The following WDFY4 variants were observed in gnomAD, a reference collection of about 807,000 sequenced individuals.
The protein encoded by WDFY4 is WD repeat- and FYVE domain-containing protein 4.
A neutral mutation model predicts 351.9 loss-of-function variants in WDFY4; 169 were observed. The ratio of observed to expected loss-of-function variants is 0.48; its 90% CI spans 0.42 to 0.55. The LOEUF (loss-of-function observed/expected upper bound fraction) is 0.55. Ranked by LOEUF, WDFY4 falls within the 20% of genes least tolerant of loss-of-function variation. The probability of loss-of-function intolerance (pLI) is 0.00; values close to 1 mark genes in which losing one functional copy is unlikely to be tolerated. For synonymous variants in WDFY4, 1,622 were observed against 1,574.6 expected (o/e 1.03, Z -0.71); for missense variants, 3,803 against 3,935.6 (o/e 0.97, Z 0.90).
At chr10:48,835,483 G>C (rs1489540782) in intron 39 of WDFY4, among the ~76,000 whole-genome samples, 1 of 152,164 alleles carries the variant, frequency 6.6e-6, no homozygotes, top group Non-Finnish European at 1.5e-5. Flanking sequence ...AACTGAAGTG[G>C]AGGGAGTCAC....
At chr10:48,861,911 A>C (rs1235150719) in intron 39 of WDFY4, among the ~76,000 whole-genome samples, 1 of 152,170 alleles carries the variant, frequency 6.6e-6, no homozygotes, top group Non-Finnish European at 1.5e-5. Flanking sequence ...TGTTGTTCAG[A>C]ATAGCTACTT....
chr10:48,877,350 G>A (rs1263631127), intron 43 of WDFY4, among the ~76,000 whole-genome samples, 151 bp downstream of exon 43: 1 of 152,180 alleles, frequency 6.6e-6, no homozygotes, highest in East Asian at 1.9e-4. Flanking sequence ...TGAAAAAAGG[G>A]ATAGATTCCT....
intron 9 of WDFY4, among the ~76,000 whole-genome samples, chr10:48,732,055 T>C (rs930413407): frequency 6.6e-6 from 1 of 152,158 alleles, no homozygotes; most frequent in African/African-American, 2.4e-5. Flanking sequence ...CTGGGCTGCA[T>C]ACCTGTGGCT....
chr10:48,929,243 GA>G (rs1784203874), intron 47 of WDFY4, among the ~76,000 whole-genome samples: 1 of 151,846 alleles, frequency 6.6e-6, no homozygotes, highest in Admixed American at 6.6e-5. Flanking sequence ...GAGGACAGAG[GA>G]AGAAAGAAGG....
rs1302387638 is a variant in WDFY4, at chr10:48,765,516, G to A, written c.2553+5076G>A. ...CAGGACACACTTGCTAAATGGTGCA[G>A]CTACTATCATCAGTTGCTAAAAGCT... On this transcript the variant is annotated intron_variant, in intron 13 of 61. Transcript: ENST00000325239. Among the ~76,000 whole-genome samples the A allele has an allele frequency of 2.0e-5, 3 of 152,298 alleles. No individual in the cohort carries two copies. The East Asian group carries it at 5.8e-4, about 29-fold the overall frequency.
At chr10:48,791,497 C>T (rs1312779370) in intron 23 of WDFY4, among the ~76,000 whole-genome samples, 3 of 152,280 alleles carry the variant, frequency 2.0e-5, no homozygotes, top group Middle Eastern at 3.4e-3. Context: ...TATGAGAGCA[C>T]CTGTTTTGCA....
chr10:48,828,382 C>T (rs1342773723), intron 36 of WDFY4, among the ~76,000 whole-genome samples: 1 of 152,194 alleles, frequency 6.6e-6, no homozygotes, highest in Non-Finnish European at 1.5e-5. Flanking sequence ...GCACAGGTTG[C>T]ACGCCCATGA....
intron 34 of WDFY4, among the ~76,000 whole-genome samples, 154 bp from the exon 35 acceptor site, chr10:48,822,226 T>C (rs2067848905): frequency 6.6e-6 from 1 of 152,212 alleles, no homozygotes; most frequent in South Asian, 2.1e-4. Context: ...AATGTGTGTG[T>C]GTTGGGCACC....
chr10:48,882,874 A>T (rs1489954525), intron 43 of WDFY4, among the ~76,000 whole-genome samples: 1 of 152,190 alleles, frequency 6.6e-6, no homozygotes, highest in African/African-American at 2.4e-5. Context: ...AAACATCCAG[A>T]CTGTATCAGG....
intron 3 of WDFY4, 50 bp downstream of exon 3, chr10:48,720,175 C>G (rs1478934451): frequency 6.6e-7 from 1 of 1,523,038 alleles, no homozygotes; most frequent in Non-Finnish European, 8.9e-7. Context: ...CAGTGCAGCC[C>G]TGCATGCCCT....
chr10:48,774,741 C>T lies in WDFY4; in HGVS notation c.2768+69C>T, dbSNP rs1164591074. 3 of 1,522,012 alleles carry T rather than the reference C, an allele frequency of 2.0e-6. No individual in the cohort carries two copies. In the African/African-American group the frequency reaches 4.1e-5, roughly 21 times the overall value. The allele number at this position is 1,522,012 out of a possible 1,614,324, so 94.3% of individuals were successfully genotyped here. On this transcript the variant is annotated intron_variant, in intron 14 of 61. Transcript: ENST00000325239. Reference sequence around the variant, plus strand: ...TGTCCTTTGCAGGGCAGGGGTTGCACAATGGGCAGTGGAGAGACTGCAGGG... The same window carrying T: ...TGTCCTTTGCAGGGCAGGGGTTGCATAATGGGCAGTGGAGAGACTGCAGGG...
intron 30 of WDFY4, among the ~76,000 whole-genome samples, chr10:48,812,250 C>T (rs114105830): frequency 6.4e-4 from 91 of 141,434 alleles, no homozygotes; most frequent in Middle Eastern, 3.9e-3. Flanking sequence ...AGTGCAGTGG[C>T]GTGATCTCGG....
intron 1 of WDFY4, among the ~76,000 whole-genome samples, chr10:48,693,319 G>A (rs1178958194): frequency 1.3e-5 from 2 of 152,102 alleles, no homozygotes; most frequent in Non-Finnish European, 2.9e-5. Context: ...GTGCAGCCAG[G>A]GGACAGATGA....
At chr10:48,904,279 G>T (rs1027648848) in intron 47 of WDFY4, among the ~76,000 whole-genome samples, 2 of 152,214 alleles carry the variant, frequency 1.3e-5, no homozygotes, top group Admixed American at 6.5e-5. Flanking sequence ...ACTGTAATGG[G>T]CATAGTTTAA....
chr10:48,772,383 G>C (rs938145315), intron 13 of WDFY4, among the ~76,000 whole-genome samples: 1 of 152,050 alleles, frequency 6.6e-6, no homozygotes, highest in African/African-American at 2.4e-5. Flanking sequence ...ACACATGTGC[G>C]TGTACCTGTG....
chr10:48,796,484 G>A, intron 24 of WDFY4, 34 bp downstream of exon 24: 1 of 1,541,634 alleles, frequency 6.5e-7, no homozygotes, highest in Non-Finnish European at 8.7e-7. Flanking sequence ...TCCTTCAGGA[G>A]TGTGTGTGAT....
Position 48,743,317 on chromosome 10 carries a change from C to T in WDFY4, c.2228C>T (p.Ala743Val). 1 of 1,551,626 alleles carries T rather than the reference C, an allele frequency of 6.4e-7. No individual in the cohort carries two copies. The highest frequency in any genetic ancestry group is 8.7e-7 in the Non-Finnish European group (1 of 1,146,932). The stretch of plus-strand genomic sequence containing the variant: ...GTGGACACAAAGGCCAGGCCATTTG[C>T]AGATTTGCTGGGCACTGCCTTTTCC... The part of the protein sequence containing the change: ...SWVDTKARPF[A>V]DLLGTAFSSS... Residue 743 changes from alanine (A) to valine (V), a missense_variant, in exon 12 of 62, where the codon GCA (alanine) becomes GTA (valine). By Grantham distance (64) the Ala-to-Val change is moderately conservative. Coordinates refer to ENST00000325239, the MANE Select transcript of WDFY4 (RefSeq NM_001394531.1).
chr10:48,790,636 G>T (rs2066646425), intron 22 of WDFY4, 91 bp from the exon 23 acceptor site: 5 of 1,412,168 alleles, frequency 3.5e-6, no homozygotes, highest in East Asian at 2.5e-5. Context: ...GGTGGCACTG[G>T]TAGCTCATTG....
At chr10:48,760,701 A>T (rs2065476355) in intron 13 of WDFY4, among the ~76,000 whole-genome samples, 1 of 152,206 alleles carries the variant, frequency 6.6e-6, no homozygotes. Flanking sequence ...AGCCAAACAA[A>T]AAAACAACTG....
Sources: allele counts gnomAD v4.1 joint callset (sites outside exome capture counted in the v4.1 genomes callset), GRCh38; gene constraint gnomAD v4.1.1; transcripts MANE v1.5; gene names NCBI Gene and HGNC (gene_info 2026-07-23, HGNC 2026-07-21).